Variants in PPP2R3A observed in about 807,000 individuals in gnomAD.
PPP2R3A encodes the protein protein phosphatase 2 regulatory subunit B''alpha, also known as serine/threonine-protein phosphatase 2A regulatory subunit B'' subunit alpha.
A neutral mutation model predicts 106.9 loss-of-function variants in PPP2R3A; 80 were observed. The ratio of observed to expected loss-of-function variants is 0.75; its 90% CI spans 0.62 to 0.90. The LOEUF is 0.90. PPP2R3A is among the 40% of genes least tolerant of loss of function. The pLI is 0.00. For synonymous variants in PPP2R3A, 483 were observed against 468.3 expected, an observed-to-expected ratio of 1.03 and a Z score of -0.41; for missense variants, 1,386 against 1,350.4, an observed-to-expected ratio of 1.03 and a Z score of -0.41.
intron 6 of PPP2R3A, among the ~76,000 whole-genome samples, chr3:136,073,207 T>C (rs1390418756): frequency 6.6e-6 from 1 of 152,132 alleles, no homozygotes; most frequent in African/African-American, 2.4e-5. Context: ...GACCTCATGA[T>C]CCGCCTGCCA....
chr3:135,971,719 T>A (rs1237615790), intron 1 of PPP2R3A, among the ~76,000 whole-genome samples: 1 of 152,212 alleles, frequency 6.6e-6, no homozygotes, highest in Non-Finnish European at 1.5e-5. Context: ...CCAAGATGGT[T>A]TGTAATGTGA....
chr3:136,097,722 C>A (rs1026672727), intron 10 of PPP2R3A, among the ~76,000 whole-genome samples: 3 of 152,074 alleles, frequency 2.0e-5, no homozygotes, highest in Non-Finnish European at 4.4e-5. Flanking sequence ...GATTTTGGTT[C>A]TCTTAAGATA....
intron 1 of PPP2R3A, among the ~76,000 whole-genome samples, chr3:135,979,354 CAGA>C (rs923716067): frequency 2.7e-5 from 4 of 148,428 alleles, no homozygotes; most frequent in Non-Finnish European, 5.9e-5. Flanking sequence ...TCTCCAGTGA[CAGA>C]AGGAGACTCC....
intron 7 of PPP2R3A, chr3:136,079,010 C>T (rs1936691150): frequency 3.6e-6 from 1 of 280,510 alleles, no homozygotes; most frequent in Non-Finnish European, 7.3e-6. Flanking sequence ...ATTGTTTAAG[C>T]TTCTGTAAAC....
chr3:136,031,697 G>A (rs995520593), intron 3 of PPP2R3A, among the ~76,000 whole-genome samples: 4 of 152,152 alleles, frequency 2.6e-5, no homozygotes, highest in Non-Finnish European at 5.9e-5. Flanking sequence ...GACAGACGAG[G>A]ATCAGTTTCA....
intron 13 of PPP2R3A, among the ~76,000 whole-genome samples, chr3:136,140,453 A>AACAAAAAAC (rs1938814658): frequency 1.3e-5 from 2 of 149,864 alleles, no homozygotes; most frequent in African/African-American, 5.0e-5. Context: ...AAAAAAAAAA[A>AACAAAAAAC]AAAAAAAAAA....
chr3:136,112,655 T>C (rs1374618549), intron 13 of PPP2R3A, among the ~76,000 whole-genome samples: 3 of 152,290 alleles, frequency 2.0e-5, no homozygotes, highest in Non-Finnish European at 4.4e-5. Context: ...TGGAAAAACA[T>C]TCTATGCTCA....
intron 2 of PPP2R3A, among the ~76,000 whole-genome samples, chr3:136,017,261 T>C (rs1934309547): frequency 6.6e-6 from 1 of 152,224 alleles, no homozygotes; most frequent in African/African-American, 2.4e-5. Context: ...TTTTCCTTCA[T>C]GTTGACTTTA....
intron 13 of PPP2R3A, among the ~76,000 whole-genome samples, chr3:136,112,561 C>A (rs976782565): frequency 6.6e-6 from 1 of 152,020 alleles, no homozygotes; most frequent in Non-Finnish European, 1.5e-5. Flanking sequence ...GAATAAGATA[C>A]CTGGGAATAA....
intron 3 of PPP2R3A, among the ~76,000 whole-genome samples, chr3:136,040,066 A>G (rs1294020949): frequency 6.6e-6 from 1 of 152,208 alleles, no homozygotes; most frequent in Non-Finnish European, 1.5e-5. Flanking sequence ...TGAGCAGTCT[A>G]GGATTTTCTG....
intron 3 of PPP2R3A, among the ~76,000 whole-genome samples, chr3:136,031,219 G>C (rs113595353): frequency 5.1e-4 from 77 of 152,092 alleles, no homozygotes; most frequent in African/African-American, 1.8e-3. Context: ...GAGGGGTAAG[G>C]TGGTATCGCA....
At chr3:136,027,315 C>A (rs759495001) in intron 3 of PPP2R3A, among the ~76,000 whole-genome samples, 1 of 152,078 alleles carries the variant, frequency 6.6e-6, no homozygotes, top group Non-Finnish European at 1.5e-5. Context: ...CTCATAAATT[C>A]ATTCTCTGCT....
chr3:136,118,378 G>A (rs1006149549), intron 13 of PPP2R3A, among the ~76,000 whole-genome samples: 1 of 152,176 alleles, frequency 6.6e-6, no homozygotes, highest in East Asian at 1.9e-4. Context: ...TCTGCCCAGG[G>A]CAATCAGGCA....
At chr3:136,036,425 A>G (rs1299351814) in intron 3 of PPP2R3A, among the ~76,000 whole-genome samples, 1 of 151,108 alleles carries the variant, frequency 6.6e-6, no homozygotes, top group Non-Finnish European at 1.5e-5. Context: ...TTGATTTAGT[A>G]CTCTCCCCCT....
At chr3:136,136,219 G>A (rs986198952) in intron 13 of PPP2R3A, among the ~76,000 whole-genome samples, 4 of 151,688 alleles carry the variant, frequency 2.6e-5, no homozygotes, top group Non-Finnish European at 5.9e-5. Flanking sequence ...AAAAATAAGG[G>A]TACGACTTGG....
At chr3:136,032,551 G>A (rs575588277) in intron 3 of PPP2R3A, among the ~76,000 whole-genome samples, 14 of 148,486 alleles carry the variant, frequency 9.4e-5, no homozygotes, top group East Asian at 7.9e-4. Context: ...TTCCTGAGAC[G>A]GAGTCTCGCT....
At chr3:135,996,547 A>G (rs1390728901) in intron 1 of PPP2R3A, among the ~76,000 whole-genome samples, 1 of 152,230 alleles carries the variant, frequency 6.6e-6, no homozygotes, top group Non-Finnish European at 1.5e-5. Flanking sequence ...AACAGATGTC[A>G]TCCTAGTGGA....
intron 10 of PPP2R3A, among the ~76,000 whole-genome samples, chr3:136,100,355 A>T (rs1484600093): frequency 3.3e-5 from 5 of 151,066 alleles, no homozygotes; most frequent in Non-Finnish European, 7.4e-5. Flanking sequence ...ACCAAAAAAA[A>T]AAGAACTTTT....
chr3:136,057,131 G>GCTATTTT (rs1369613167), intron 5 of PPP2R3A, among the ~76,000 whole-genome samples: 1 of 151,998 alleles, frequency 6.6e-6, no homozygotes, highest in Non-Finnish European at 1.5e-5. Context: ...GAGAATAGCT[G>GCTATTTT]GAGGCATCAT....
Sources: allele counts gnomAD v4.1 joint callset (sites outside exome capture counted in the v4.1 genomes callset), GRCh38; gene constraint gnomAD v4.1.1; transcripts MANE v1.5; gene names NCBI Gene and HGNC (gene_info 2026-07-23, HGNC 2026-07-21).